Variants in IGF2 observed in about 807,000 individuals in gnomAD.
IGF2 encodes insulin-like growth factor 2.
A neutral mutation model predicts 12.0 loss-of-function variants in IGF2; 2 were observed. The ratio of observed to expected loss-of-function variants is 0.17; its 90% CI spans 0.07 to 0.52. IGF2 has a LOEUF of 0.52. IGF2 is among the 20% of genes least tolerant of loss of function. The probability of loss-of-function intolerance (pLI) is 0.95; values close to 1 mark genes in which losing one functional copy is unlikely to be tolerated. For missense variants in IGF2, 211 were observed against 268.0 expected (o/e 0.79, Z 1.48); for synonymous variants, 105 against 110.1 (o/e 0.95, Z 0.29).
chr11:2,132,662 G>GT lies in IGF2; in HGVS notation c.*324_*325insA, dbSNP rs1316215205. Reference sequence around the variant, plus strand: ...TAGTTTTAAGAGGGTTGTTGTGGGGGGGGGGGAAGGGGGTTAGTTTAATGT... The same window carrying GT: ...TAGTTTTAAGAGGGTTGTTGTGGGGGTGGGGGGAAGGGGGTTAGTTTAATGT... On this transcript the variant is annotated 3_prime_UTR_variant, in exon 4 of 4. Coordinates refer to ENST00000416167, the MANE Select transcript of IGF2 (RefSeq NM_000612.6). 2 of 211,954 alleles carry GT rather than the reference G, an allele frequency of 9.4e-6. No individual in the cohort carries two copies. Among genetic ancestry groups the GT allele is most frequent in the Admixed American group, 6.2e-5 (1 of 16,022 alleles). 13.1% of individuals were successfully genotyped at this position (211,954 alleles called of 1,614,324 possible).
In IGF2 at chr11:2,133,097, C is replaced by T; in HGVS notation, c.433G>A (p.Glu145Lys). 1 of 1,607,914 alleles carries T rather than the reference C, an allele frequency of 6.2e-7. No homozygotes were observed. Residue 145 changes from glutamate (E) to lysine (K), a missense_variant, in exon 4 of 4, where the codon GAG (glutamate) becomes AAG (lysine). Physicochemically the swap from Glu to Lys is moderately conservative, Grantham distance 56. This residue lies in a region of IGF2 where 141 missense variants were observed against 153.1 expected (regional missense o/e 0.92). Coordinates refer to ENST00000416167, the MANE Select transcript of IGF2 (RefSeq NM_000612.6). This position sits in a 1 kb window ranked among gnomAD's most constrained non-coding sequence, Gnocchi z 8.9. ...RARRGHVLAK[E>K]LEAFREAKRH... ...TTGGCCTCCCTGAACGCCTCGAGCTCCTTGGCGAGCACGTGACCCCGGCGG... is the reference window on the plus strand; with the variant it reads ...TTGGCCTCCCTGAACGCCTCGAGCTTCTTGGCGAGCACGTGACCCCGGCGG...
chr11:2,149,219 T>C, the IGF2 span: 2 of 1,613,444 alleles, frequency 1.2e-6, no homozygotes, highest in Non-Finnish European at 1.7e-6. Flanking sequence ...CTGCCGAAAC[T>C]GCCTGGACGA....
Position 2,131,602 on chromosome 11 carries a change from CGTGTGTGCT to C in IGF2, c.*1376_*1384del, listed in dbSNP as rs1288351797. 1.4e-5 allele frequency: 2 copies of C among 147,462 alleles called. No individual in the cohort carries two copies. Among genetic ancestry groups the C allele is most frequent in the Non-Finnish European group, 1.3e-5 (1 of 76,660 alleles). 9.1% of individuals were successfully genotyped at this position (147,462 alleles called of 1,614,324 possible). On this transcript the variant is annotated 3_prime_UTR_variant, in exon 4 of 4. Coordinates refer to ENST00000416167, the MANE Select transcript of IGF2 (RefSeq NM_000612.6). ...GCTGTGTTCATGTGTGCTGTGCATG[CGTGTGTGCT>C]GTGTGTGCATGTGTGTGCTGTGTGC...
chr11:2,149,416 C>T, the IGF2 span: 7 of 1,317,348 alleles, frequency 5.3e-6, no homozygotes, highest in South Asian at 7.2e-5. Context: ...AGCCTCATCT[C>T]CGCTGAGCAT....
upstream of IGF2, among the ~76,000 whole-genome samples, chr11:2,144,571 A>G (rs1434361298): frequency 6.6e-6 from 1 of 152,224 alleles, no homozygotes; most frequent in African/African-American, 2.4e-5. Flanking sequence ...CTGGGGTGCC[A>G]GGGGTCTCTT....
In IGF2 at chr11:2,133,367, G is replaced by C. The variant is rs1858754776; in HGVS notation, c.307-144C>G. ...GGGCAGAGGGACAGAAGGAGCCAGC[G>C]TCTGAGCTGCTCCCGGGCCACACAG... On this transcript the variant is annotated intron_variant, in intron 3 of 3. Coordinates refer to ENST00000416167, the MANE Select transcript of IGF2 (RefSeq NM_000612.6). This position sits in a 1 kb window ranked among gnomAD's most constrained non-coding sequence, Gnocchi z 8.9. 2.9e-6 allele frequency: 3 copies of C among 1,027,214 alleles called. No individual in the cohort carries two copies. Among genetic ancestry groups the C allele is most frequent in the Non-Finnish European group, 4.2e-6 (3 of 713,290 alleles). 63.6% of individuals were successfully genotyped at this position (1,027,214 alleles called of 1,614,324 possible). A position where few individuals can be genotyped will look rare whatever the true frequency, so the allele number is the denominator to read the frequency against.
chr11:2,136,187 G>A (rs1273155079), intron 1 of IGF2, among the ~76,000 whole-genome samples: 2 of 152,128 alleles, frequency 1.3e-5, no homozygotes, highest in East Asian at 1.9e-4. Context: ...ACACAACCAC[G>A]CCACCCATGC....
chr11:2,138,868 CTG>C lies in IGF2; in HGVS notation c.-648_-647del. 1.0e-6 allele frequency: 1 copy of C among 972,798 alleles called. No homozygotes were observed. Among genetic ancestry groups the C allele is most frequent in the Non-Finnish European group, 1.2e-6 (1 of 823,616 alleles). 60.3% of individuals were successfully genotyped at this position (972,798 alleles called of 1,614,324 possible). The stretch of plus-strand genomic sequence containing the variant: ...GTCGAGGGGCCGGGGGAGGCGGTGA[CTG>C]GGGGGCGGAGTGGAGGCTGCACCCG... On this transcript the variant is annotated 5_prime_UTR_variant, in exon 1 of 4. Transcript: ENST00000416167.
Position 2,132,192 on chromosome 11 carries a change from T to A in IGF2, c.*795A>T, listed in dbSNP as rs1386863829. On this transcript the variant is annotated 3_prime_UTR_variant, in exon 4 of 4. Transcript: ENST00000416167. Reference sequence around the variant, plus strand: ...GGGGTGAGGGTCGTGCCAATTACATTTCATTTGCATGGATTTTGGTTTTCA... The same window carrying A: ...GGGGTGAGGGTCGTGCCAATTACATATCATTTGCATGGATTTTGGTTTTCA... 3 of 206,726 alleles carry A rather than the reference T, an allele frequency of 1.5e-5. No individual in the cohort carries two copies. Among genetic ancestry groups the A allele is most frequent in the African/African-American group, 4.6e-5 (2 of 43,732 alleles). The allele number at this position is 206,726 out of a possible 1,614,324, so 12.8% of individuals were successfully genotyped here. A position where few individuals can be genotyped will look rare whatever the true frequency, so the allele number is the denominator to read the frequency against.
intron 2 of IGF2, 80 bp downstream of exon 2, chr11:2,135,287 C>T (rs1396790648): frequency 1.5e-6 from 2 of 1,312,070 alleles, no homozygotes; most frequent in Non-Finnish European, 2.1e-6. Context: ...GAGTGTGCTC[C>T]CCTGGCTTGA....
At position 2,133,002 on chromosome 11, in the gene IGF2, G is replaced by A; in HGVS notation, c.528C>T (p.Ala176=). The change falls in exon 4 of 4, where the codon GCC becomes GCT. Residue 176 remains alanine (A), a synonymous_variant. Transcript: ENST00000416167. This position sits in a 1 kb window ranked among gnomAD's most constrained non-coding sequence, Gnocchi z 8.9. ...PAHGGAPPEM[A]SNRK The stretch of plus-strand genomic sequence containing the variant: ...GCAGTTTTGCTCACTTCCGATTGCT[G>A]GCCATCTCTGGGGGGGCGCCCCCGT... 1 of 1,535,036 alleles carries A rather than the reference G, an allele frequency of 6.5e-7. No homozygotes were observed. The highest frequency in any genetic ancestry group is 8.8e-7 in the Non-Finnish European group (1 of 1,141,168).
the IGF2 span, chr11:2,146,269 G>A: frequency 1.9e-4 from 99 of 534,152 alleles, 1 homozygote; most frequent in Middle Eastern, 0.01. Context: ...TCACCGCTCC[G>A]CCGTCCGTGG....
In IGF2 at chr11:2,138,910, A is replaced by G; in HGVS notation, c.-688T>C. 2 of 984,856 alleles carry G rather than the reference A, an allele frequency of 2.0e-6. No individual in the cohort carries two copies. Among genetic ancestry groups the G allele is most frequent in the Non-Finnish European group, 2.4e-6 (2 of 829,712 alleles). 61.0% of individuals were successfully genotyped at this position (984,856 alleles called of 1,614,324 possible). On this transcript the variant is annotated 5_prime_UTR_variant, in exon 1 of 4. Coordinates refer to ENST00000416167, the MANE Select transcript of IGF2 (RefSeq NM_000612.6). The stretch of plus-strand genomic sequence containing the variant: ...GGCTGCACCCGGACCGCGGGCGCCC[A>G]GCTCGGTTTGGGCCGACGGAGCCCT...
At chr11:2,134,876 G>A (rs1033511940) in intron 2 of IGF2, among the ~76,000 whole-genome samples, 1 of 152,188 alleles carries the variant, frequency 6.6e-6, no homozygotes, top group Non-Finnish European at 1.5e-5. Context: ...CGCATGCACC[G>A]CTCACCCCTG....
chr11:2,147,626 G>A, the IGF2 span: 14 of 1,242,164 alleles, frequency 1.1e-5, no homozygotes, highest in Admixed American at 2.1e-4. The surrounding 1 kb of genome is among the most constrained non-coding windows in gnomAD (Gnocchi z 7.2). Flanking sequence ...TTCTGGGAGC[G>A]CTGGGGTCGC....
At chr11:2,135,999 C>G (rs1335107058) in intron 1 of IGF2, among the ~76,000 whole-genome samples, 1 of 152,146 alleles carries the variant, frequency 6.6e-6, no homozygotes, top group African/African-American at 2.4e-5. Context: ...GCATGTGCAT[C>G]CAGGAGGACC....
chr11:2,137,177 GC>G (rs1859129276), intron 1 of IGF2: 2 of 968,012 alleles, frequency 2.1e-6, no homozygotes, highest in East Asian at 1.1e-4. Context: ...TCACTCCACA[GC>G]CCTGGTTACC....
Position 2,132,926 on chromosome 11 carries a change from C to G in IGF2, c.*61G>C, listed in dbSNP as rs1048095045. On this transcript the variant is annotated 3_prime_UTR_variant, in exon 4 of 4. Coordinates refer to ENST00000416167, the MANE Select transcript of IGF2 (RefSeq NM_000612.6). The stretch of plus-strand genomic sequence containing the variant: ...TCGGGATGGAACCTGATGGAAACGT[C>G]CGTGGTCAGGAGGAGGCTGCAGGAT... 7.8e-6 allele frequency: 9 copies of G among 1,156,990 alleles called. No homozygotes were observed. Among genetic ancestry groups the G allele is most frequent in the Admixed American group, 2.6e-5 (1 of 38,250 alleles). The allele number at this position is 1,156,990 out of a possible 1,614,324, so 71.7% of individuals were successfully genotyped here.
upstream of IGF2, chr11:2,140,259 G>A (rs759933587): frequency 3.7e-6 from 6 of 1,612,994 alleles, no homozygotes; most frequent in African/African-American, 6.7e-5. Context: ...TTCGGTCTCG[G>A]GGGCCACCAC....
Sources: allele counts gnomAD v4.1 joint callset (sites outside exome capture counted in the v4.1 genomes callset), GRCh38; gene constraint gnomAD v4.1.1; regional missense constraint gnomAD v4.1.1; non-coding constraint Gnocchi (gnomAD v3.1); transcripts MANE v1.5; gene names NCBI Gene and HGNC (gene_info 2026-07-23, HGNC 2026-07-21).